FUT9: variants seen among roughly 807,000 people sequenced by gnomAD.
FUT9 encodes 4-galactosyl-N-acetylglucosaminide 3-alpha-L-fucosyltransferase 9.
Under a neutral mutation model 29.7 loss-of-function variants are expected in FUT9, and 15 were observed. That is an observed-to-expected ratio of 0.51 (90% CI 0.34 to 0.78). FUT9 has a LOEUF of 0.78. Among genes scored for constraint, FUT9 ranks in the 30% least tolerant of loss-of-function variants. The pLI is 0.01. For missense variants in FUT9, 319 were observed against 425.4 expected, an observed-to-expected ratio of 0.75 and a Z score of 2.20; for synonymous variants, 169 against 153.7, an observed-to-expected ratio of 1.10 and a Z score of -0.74.
At chr6:96,186,067 A>C (rs1773401124) in intron 2 of FUT9, among the ~76,000 whole-genome samples, 1 of 152,122 alleles carries the variant, frequency 6.6e-6, no homozygotes, top group South Asian at 2.1e-4. Flanking sequence ...ATTTTCCAAA[A>C]AGTATGTTAA....
chr6:96,071,492 A>C (rs1409658945), intron 1 of FUT9, among the ~76,000 whole-genome samples: 1 of 152,240 alleles, frequency 6.6e-6, no homozygotes, highest in Non-Finnish European at 1.5e-5. Flanking sequence ...ATTCTGATTA[A>C]TGATCACAGA....
At chr6:96,115,333 C>T (rs547186105) in intron 2 of FUT9, among the ~76,000 whole-genome samples, 2 of 152,242 alleles carry the variant, frequency 1.3e-5, no homozygotes, top group East Asian at 3.9e-4. Context: ...AAGAATGAGA[C>T]AATTTGCATT....
chr6:96,044,676 A>G (rs1770527303), intron 1 of FUT9, among the ~76,000 whole-genome samples: 1 of 152,152 alleles, frequency 6.6e-6, no homozygotes. Context: ...CACAGCTGAA[A>G]TTACATTATT....
At chr6:96,023,613 C>G (rs1446333427) in intron 1 of FUT9, among the ~76,000 whole-genome samples, 1 of 151,856 alleles carries the variant, frequency 6.6e-6, no homozygotes, top group Non-Finnish European at 1.5e-5. Context: ...AAAGCTGGTA[C>G]TGGCACAGTC....
intron 2 of FUT9, among the ~76,000 whole-genome samples, chr6:96,120,854 C>G (rs979808577): frequency 7.9e-5 from 12 of 151,798 alleles, no homozygotes; most frequent in African/African-American, 2.7e-4. Flanking sequence ...TCAAATCTTT[C>G]TCCTCCACAA....
chr6:96,067,087 C>T (rs1770974577), intron 1 of FUT9, among the ~76,000 whole-genome samples: 1 of 151,154 alleles, frequency 6.6e-6, no homozygotes, highest in South Asian at 2.1e-4. Flanking sequence ...TAAGGCATGA[C>T]CTCTCCATTG....
intron 1 of FUT9, among the ~76,000 whole-genome samples, chr6:96,016,545 G>T (rs1436819921): frequency 6.6e-6 from 1 of 152,072 alleles, no homozygotes; most frequent in Non-Finnish European, 1.5e-5. Context: ...TACTGTCCCT[G>T]CGTTCCCACC....
At chr6:96,142,249 G>T (rs1019877937) in intron 2 of FUT9, among the ~76,000 whole-genome samples, 1 of 152,146 alleles carries the variant, frequency 6.6e-6, no homozygotes, top group African/African-American at 2.4e-5. Flanking sequence ...GTATTAACAA[G>T]CGATAAGTGA....
chr6:96,131,615 C>T (rs1029590419), intron 2 of FUT9, among the ~76,000 whole-genome samples: 2 of 152,134 alleles, frequency 1.3e-5, no homozygotes, highest in Non-Finnish European at 2.9e-5. Flanking sequence ...GAAATATGTG[C>T]TTGTTCCATA....
intron 2 of FUT9, among the ~76,000 whole-genome samples, chr6:96,181,966 T>C (rs558584220): frequency 9.1e-4 from 138 of 152,238 alleles, no homozygotes; most frequent in Non-Finnish European, 1.5e-3. Context: ...CTGGATCAAA[T>C]GGTAGTCCTA....
intron 1 of FUT9, among the ~76,000 whole-genome samples, chr6:96,083,988 T>A (rs1377334348): frequency 1.3e-5 from 2 of 152,058 alleles, no homozygotes; most frequent in African/African-American, 4.8e-5. Context: ...CCTTCTCACA[T>A]GTCATTATAT....
At chr6:96,091,551 TGGTATTG>T (rs1177524975) in intron 1 of FUT9, among the ~76,000 whole-genome samples, 4 of 152,128 alleles carry the variant, frequency 2.6e-5, no homozygotes, top group Non-Finnish European at 4.4e-5. Context: ...GGTATGACAA[TGGTATTG>T]CAGTCAGGTA....
intron 2 of FUT9, among the ~76,000 whole-genome samples, chr6:96,192,002 GC>G (rs554746995): frequency 1.4e-3 from 216 of 152,128 alleles, no homozygotes; most frequent in African/African-American, 4.8e-3. Flanking sequence ...AAATTCAACA[GC>G]CCTTCATGCA....
intron 1 of FUT9, among the ~76,000 whole-genome samples, chr6:96,095,651 C>T (rs759918560): frequency 2.6e-5 from 4 of 152,054 alleles, no homozygotes; most frequent in Non-Finnish European, 5.9e-5. Flanking sequence ...TTTACTTTGC[C>T]GGTTCTTCTC....
chr6:96,031,363 T>C (rs991325645), intron 1 of FUT9, among the ~76,000 whole-genome samples: 12 of 150,020 alleles, frequency 8.0e-5, no homozygotes, highest in Non-Finnish European at 1.3e-4. Context: ...TGAAGAGTTA[T>C]TGGGAAAGGA....
chr6:96,117,259 T>C (rs944012234), intron 2 of FUT9, among the ~76,000 whole-genome samples: 3 of 152,194 alleles, frequency 2.0e-5, no homozygotes, highest in Admixed American at 6.5e-5. Flanking sequence ...AAATAAATTA[T>C]AGATATTGGG....
At chr6:96,165,200 G>A (rs1772992557) in intron 2 of FUT9, among the ~76,000 whole-genome samples, 2 of 152,156 alleles carry the variant, frequency 1.3e-5, no homozygotes, top group Admixed American at 6.5e-5. Flanking sequence ...GGGAGGCTGA[G>A]GCCAGCGGAT....
At chr6:96,036,550 C>T (rs1770368458) in intron 1 of FUT9, 3 of 151,800 alleles carry the variant, frequency 2.0e-5, no homozygotes, top group Non-Finnish European at 4.4e-5. Flanking sequence ...TCAGTAGGGC[C>T]TTTAGCGGTG....
At chr6:96,123,307 A>G (rs1772067708) in intron 2 of FUT9, among the ~76,000 whole-genome samples, 1 of 152,094 alleles carries the variant, frequency 6.6e-6, no homozygotes, top group Non-Finnish European at 1.5e-5. Context: ...TATCTTAAAC[A>G]AAAAAACCCA....
Sources: allele counts gnomAD v4.1 joint callset (sites outside exome capture counted in the v4.1 genomes callset), GRCh38; gene constraint gnomAD v4.1.1; transcripts MANE v1.5; gene names NCBI Gene and HGNC (gene_info 2026-07-23, HGNC 2026-07-21).